Variants in ADAM12 observed in about 807,000 individuals in gnomAD.
The protein encoded by ADAM12 is disintegrin and metalloproteinase domain-containing protein 12.
In ADAM12, 70 loss-of-function variants were observed where a neutral mutation model predicts 106.4. That is an observed-to-expected ratio of 0.66 (90% CI 0.54 to 0.80). ADAM12 has a LOEUF of 0.80. Among genes scored for constraint, ADAM12 ranks in the 30% least tolerant of loss-of-function variants. The pLI is 0.00. For missense variants in ADAM12, 1,010 were observed against 1,171.9 expected (o/e 0.86, Z 2.02); for synonymous variants, 420 against 433.5 (o/e 0.97, Z 0.39).
At chr10:126,122,570 G>A (rs187638588) in intron 5 of ADAM12, among the ~76,000 whole-genome samples, 8 of 152,212 alleles carry the variant, frequency 5.3e-5, no homozygotes, top group Admixed American at 2.0e-4. Flanking sequence ...AAGACCAGCC[G>A]GACAACATGG....
chr10:126,163,307 C>T (rs192306845), intron 3 of ADAM12, among the ~76,000 whole-genome samples: 37 of 152,328 alleles, frequency 2.4e-4, no homozygotes, highest in Middle Eastern at 3.4e-3. Flanking sequence ...GTGACTCCTA[C>T]GGTTTGGAGA....
In ADAM12 at chr10:126,320,833, A is replaced by G. The variant is rs932784867; in HGVS notation, c.186+9579T>C. 9.9e-5 allele frequency among the ~76,000 whole-genome samples: 15 copies of G among 152,244 alleles called. 1 individual carries two copies. In the East Asian group the frequency reaches 2.9e-3, roughly 29 times the overall value. On this transcript the variant is annotated intron_variant, in intron 2 of 22. Coordinates refer to ENST00000448723, the MANE Select transcript of ADAM12 (RefSeq NM_001288973.2). ...TAAAAAGAAAAAAATATTGTCACAA[A>G]TGAACTACACAAAGATAATTGTGAA...
intron 5 of ADAM12, among the ~76,000 whole-genome samples, chr10:126,129,618 G>A (rs1262205125): frequency 1.3e-5 from 2 of 152,202 alleles, no homozygotes; most frequent in Non-Finnish European, 2.9e-5. Flanking sequence ...ATGTAAAAAG[G>A]GGGAGGAGAA....
At chr10:126,224,294 A>T (rs1958150956) in intron 3 of ADAM12, among the ~76,000 whole-genome samples, 1 of 152,106 alleles carries the variant, frequency 6.6e-6, no homozygotes, top group Non-Finnish European at 1.5e-5. Context: ...AGCTGGGGCC[A>T]TGCTGGTGAG....
chr10:126,319,391 G>A (rs1854014236), intron 2 of ADAM12, among the ~76,000 whole-genome samples: 1 of 152,132 alleles, frequency 6.6e-6, no homozygotes, highest in Admixed American at 6.5e-5. Flanking sequence ...TGCACAGTAT[G>A]TCCCCTTGAT....
intron 3 of ADAM12, among the ~76,000 whole-genome samples, chr10:126,164,326 T>G (rs948185179): frequency 2.0e-5 from 3 of 152,250 alleles, no homozygotes; most frequent in Non-Finnish European, 4.4e-5. Context: ...TCTTTGCAAT[T>G]AAATCATGCC....
chr10:126,110,515 G>A (rs1565065150), intron 6 of ADAM12, among the ~76,000 whole-genome samples: 2 of 152,074 alleles, frequency 1.3e-5, no homozygotes, highest in African/African-American at 4.8e-5. Flanking sequence ...AGAACGGAAA[G>A]AAACAGAGTT....
At chr10:126,128,685 GGT>G (rs758012241) in intron 5 of ADAM12, among the ~76,000 whole-genome samples, 28 of 148,574 alleles carry the variant, frequency 1.9e-4, no homozygotes, top group African/African-American at 5.2e-4. Context: ...GCGAGTGTGT[GGT>G]GTGTGTGTGG....
At chr10:126,159,027 C>T (rs908134000) in intron 3 of ADAM12, among the ~76,000 whole-genome samples, 2 of 152,070 alleles carry the variant, frequency 1.3e-5, no homozygotes, top group African/African-American at 4.8e-5. Context: ...AAAGAGCACA[C>T]GGCTGGGCAC....
intron 2 of ADAM12, among the ~76,000 whole-genome samples, chr10:126,309,385 G>A (rs1331167988): frequency 6.6e-6 from 1 of 152,178 alleles, no homozygotes; most frequent in East Asian, 1.9e-4. Flanking sequence ...TGAGTCACTG[G>A]AGTCTCTCAT....
intron 3 of ADAM12, among the ~76,000 whole-genome samples, chr10:126,183,278 A>G (rs1957346216): frequency 6.6e-6 from 1 of 152,234 alleles, no homozygotes; most frequent in Non-Finnish European, 1.5e-5. Context: ...AAAGTGCATA[A>G]TAAATGTAAT....
intron 3 of ADAM12, among the ~76,000 whole-genome samples, chr10:126,236,841 C>T (rs1182667766): frequency 6.6e-6 from 1 of 152,176 alleles, no homozygotes; most frequent in African/African-American, 2.4e-5. Flanking sequence ...CTGGGGACAG[C>T]ACCCCCAAAG....
intron 8 of ADAM12, among the ~76,000 whole-genome samples, chr10:126,104,345 GA>G (rs1444296661): frequency 6.6e-5 from 10 of 151,646 alleles, no homozygotes; most frequent in Non-Finnish European, 1.5e-4. Context: ...AGCTACTCGG[GA>G]AGCTGAGGCA....
At chr10:126,184,220 A>G (rs1338834448) in intron 3 of ADAM12, among the ~76,000 whole-genome samples, 1 of 152,198 alleles carries the variant, frequency 6.6e-6, no homozygotes, top group Non-Finnish European at 1.5e-5. Flanking sequence ...GAATTGAAAT[A>G]CCAGATAAAA....
intron 1 of ADAM12, among the ~76,000 whole-genome samples, chr10:126,339,205 T>C (rs541179775): frequency 1.3e-5 from 2 of 152,316 alleles, no homozygotes; most frequent in African/African-American, 4.8e-5. Context: ...AAATCAATAT[T>C]TTCTTCCCAT....
At chr10:126,105,168 T>G (rs1421305223) in intron 8 of ADAM12, among the ~76,000 whole-genome samples, 1 of 152,222 alleles carries the variant, frequency 6.6e-6, no homozygotes, top group Non-Finnish European at 1.5e-5. Context: ...TTAGGACTTT[T>G]CCGAGGCACA....
chr10:126,357,711 CT>C (rs1321920651), intron 1 of ADAM12, among the ~76,000 whole-genome samples: 1 of 152,076 alleles, frequency 6.6e-6, no homozygotes, highest in Non-Finnish European at 1.5e-5. Context: ...GGAAAAGACC[CT>C]TATAAAAAGA....
intron 3 of ADAM12, among the ~76,000 whole-genome samples, chr10:126,238,035 G>T (rs1182458787): frequency 6.6e-6 from 1 of 152,174 alleles, no homozygotes; most frequent in African/African-American, 2.4e-5. Context: ...AACGACAATT[G>T]TTAGCTACGC....
chr10:126,042,176 C>T, intron 18 of ADAM12: 2 of 1,613,818 alleles, frequency 1.2e-6, no homozygotes, highest in African/African-American at 2.7e-5. Context: ...TCCTGCGATC[C>T]CACGGGCTCC....
Sources: gnomAD v4.1 joint callset for allele counts (sites outside exome capture counted in the v4.1 genomes callset) on GRCh38, gnomAD v4.1.1 for gene constraint, MANE v1.5 for transcripts, NCBI Gene and HGNC (gene_info 2026-07-23, HGNC 2026-07-21) for gene names.